CSMD1: variants seen among roughly 807,000 people sequenced by gnomAD.
CSMD1 encodes the protein CUB and sushi domain-containing protein 1.
A neutral mutation model predicts 417.5 loss-of-function variants in CSMD1; 213 were observed. The ratio of observed to expected loss-of-function variants is 0.51; its 90% CI spans 0.46 to 0.57. The LOEUF is 0.57. Ranked by LOEUF, CSMD1 falls within the 20% of genes least tolerant of loss-of-function variation. The pLI is 0.00. For synonymous variants in CSMD1, 2,862 were observed against 1,736.8 expected (o/e 1.65, Z -16.11); for missense variants, 6,923 against 4,529.7 (o/e 1.53, Z -15.17).
intron 68 of CSMD1, among the ~76,000 whole-genome samples, chr8:2,944,337 G>A (rs1802077647): frequency 1.3e-5 from 2 of 152,172 alleles, no homozygotes; most frequent in South Asian, 4.1e-4. Flanking sequence ...CATGAAGTGT[G>A]TGTGTATGTG....
chr8:3,655,130 T>G (rs1798039313), intron 7 of CSMD1, among the ~76,000 whole-genome samples: 1 of 152,244 alleles, frequency 6.6e-6, no homozygotes, highest in African/African-American at 2.4e-5. Context: ...TTTCCAAGCT[T>G]TAGCTATAGA....
intron 3 of CSMD1, among the ~76,000 whole-genome samples, chr8:4,090,899 A>G (rs1434165019): frequency 6.6e-6 from 1 of 151,696 alleles, no homozygotes; most frequent in African/African-American, 2.4e-5. Context: ...TATTAGTAAC[A>G]TAAGGGGCAG....
At chr8:3,941,184 G>C (rs965732638) in intron 5 of CSMD1, among the ~76,000 whole-genome samples, 1 of 152,026 alleles carries the variant, frequency 6.6e-6, no homozygotes, top group Non-Finnish European at 1.5e-5. Flanking sequence ...AGAATATTCA[G>C]TAAAATTTAA....
chr8:4,619,618 G>C (rs1312296763), intron 2 of CSMD1, among the ~76,000 whole-genome samples: 1 of 152,074 alleles, frequency 6.6e-6, no homozygotes, highest in African/African-American at 2.4e-5. Context: ...CTATCCGTCT[G>C]TGCACTCTGT....
chr8:4,769,718 G>A (rs1563339223), intron 1 of CSMD1, among the ~76,000 whole-genome samples: 1 of 152,184 alleles, frequency 6.6e-6, no homozygotes, highest in Non-Finnish European at 1.5e-5. Context: ...GGGAAACGAA[G>A]TGAAGTCCAA....
At chr8:3,891,209 C>T (rs902704860) in intron 5 of CSMD1, among the ~76,000 whole-genome samples, 1 of 151,954 alleles carries the variant, frequency 6.6e-6, no homozygotes, top group Non-Finnish European at 1.5e-5. Context: ...TCATGCCTGG[C>T]TAATATTTGT....
chr8:4,419,788 T>C (rs1797143553), intron 3 of CSMD1, among the ~76,000 whole-genome samples, 165 bp downstream of exon 3: 1 of 152,140 alleles, frequency 6.6e-6, no homozygotes, highest in Non-Finnish European at 1.5e-5. Context: ...AGTTTGGCGA[T>C]TATAACAGTG....
chr8:4,843,099 G>A (rs1412596318), intron 1 of CSMD1, among the ~76,000 whole-genome samples: 3 of 152,284 alleles, frequency 2.0e-5, no homozygotes, highest in African/African-American at 2.4e-5. Flanking sequence ...TCATTTGTTA[G>A]GATGTGCGAA....
chr8:3,246,958 A>T (rs1009082080), intron 26 of CSMD1, among the ~76,000 whole-genome samples: 1 of 152,222 alleles, frequency 6.6e-6, no homozygotes, highest in African/African-American at 2.4e-5. Flanking sequence ...TATTGCTTAT[A>T]GAACTTTTGT....
chr8:3,436,117 C>T (rs190234120), intron 12 of CSMD1, among the ~76,000 whole-genome samples: 153 of 152,234 alleles, frequency 1.0e-3, no homozygotes, highest in African/African-American at 3.6e-3. Flanking sequence ...ACTCTCCAGC[C>T]CTCTGACCAT....
chr8:4,104,968 G>C (rs567093328), intron 3 of CSMD1, among the ~76,000 whole-genome samples: 2 of 150,196 alleles, frequency 1.3e-5, no homozygotes, highest in Middle Eastern at 3.4e-3. Context: ...CTGCCAATTC[G>C]ATCATAATAG....
At chr8:4,290,086 G>A (rs1261808888) in intron 3 of CSMD1, among the ~76,000 whole-genome samples, 1 of 152,132 alleles carries the variant, frequency 6.6e-6, no homozygotes, top group African/African-American at 2.4e-5. Flanking sequence ...TTTTATAGTG[G>A]CATACAGATG....
At chr8:4,245,312 T>C (rs1009868247) in intron 3 of CSMD1, among the ~76,000 whole-genome samples, 2 of 152,158 alleles carry the variant, frequency 1.3e-5, no homozygotes, top group Non-Finnish European at 2.9e-5. Flanking sequence ...CATAAAAGTA[T>C]GTACTTGGGC....
chr8:3,418,351 C>T (rs1227646113), intron 12 of CSMD1, among the ~76,000 whole-genome samples: 2 of 152,138 alleles, frequency 1.3e-5, no homozygotes, highest in African/African-American at 4.8e-5. Flanking sequence ...TTGTTTATAG[C>T]ACTGTCCAAA....
At chr8:4,377,385 C>T (rs1584981459) in intron 3 of CSMD1, among the ~76,000 whole-genome samples, 1 of 152,058 alleles carries the variant, frequency 6.6e-6, no homozygotes, top group East Asian at 1.9e-4. Context: ...TTCTTTTAGT[C>T]GTTATATCTA....
At chr8:4,912,799 G>GT (rs1319565338) in intron 1 of CSMD1, among the ~76,000 whole-genome samples, 1 of 49,634 alleles carries the variant, frequency 2.0e-5, no homozygotes, top group African/African-American at 9.3e-5. Context: ...TTTTTTTGGA[G>GT]GGGGGGCACA....
At chr8:3,088,445 G>C (rs1238850717) in intron 48 of CSMD1, among the ~76,000 whole-genome samples, 1 of 152,116 alleles carries the variant, frequency 6.6e-6, no homozygotes, top group African/African-American at 2.4e-5. Context: ...CACACACGCA[G>C]GTCTGAATGC....
intron 10 of CSMD1, among the ~76,000 whole-genome samples, chr8:3,544,832 C>T (rs917889785): frequency 3.9e-5 from 6 of 152,114 alleles, no homozygotes; most frequent in African/African-American, 1.4e-4. Flanking sequence ...GATGACAAGA[C>T]ACGTGCTAGT....
intron 1 of CSMD1, among the ~76,000 whole-genome samples, chr8:4,944,740 A>G (rs575631925): frequency 6.6e-6 from 1 of 152,178 alleles, no homozygotes; most frequent in Non-Finnish European, 1.5e-5. Context: ...ATCAATAAAA[A>G]CAAAATAGCA....
Sources: gnomAD v4.1 joint callset for allele counts (sites outside exome capture counted in the v4.1 genomes callset) on GRCh38, gnomAD v4.1.1 for gene constraint, MANE v1.5 for transcripts, NCBI Gene and HGNC (gene_info 2026-07-23, HGNC 2026-07-21) for gene names.